SOX5: variants seen among roughly 807,000 people sequenced by gnomAD.
SOX5 encodes SRY-box transcription factor 5.
Under a neutral mutation model 92.0 loss-of-function variants are expected in SOX5, and 9 were observed. The ratio of observed to expected loss-of-function variants is 0.10; its 90% CI spans 0.06 to 0.17. The LOEUF (loss-of-function observed/expected upper bound fraction) is 0.17, where lower values mean the gene tolerates loss of function less well. Ranked by LOEUF, SOX5 falls within the 10% of genes least tolerant of loss-of-function variation. The probability of loss-of-function intolerance (pLI) is 1.00; values close to 1 mark genes in which losing one functional copy is unlikely to be tolerated. For synonymous variants in SOX5, 344 were observed against 336.3 expected, an observed-to-expected ratio of 1.02 and a Z score of -0.25; for missense variants, 642 against 944.5, an observed-to-expected ratio of 0.68 and a Z score of 4.20.
intron 3 of SOX5, among the ~76,000 whole-genome samples, chr12:23,802,636 C>G (rs912656061): frequency 2.6e-5 from 4 of 152,036 alleles, no homozygotes; most frequent in Non-Finnish European, 4.4e-5. Flanking sequence ...AAAAATCTAC[C>G]TTAACCTTTA....
upstream of SOX5, among the ~76,000 whole-genome samples, chr12:23,951,906 C>T (rs777927929): frequency 6.6e-6 from 1 of 152,068 alleles, no homozygotes; most frequent in African/African-American, 2.4e-5. Flanking sequence ...TACTCCCACA[C>T]AGAAAAATGA....
chr12:24,500,458 T>A (rs1168327540), intron 1 of SOX5, among the ~76,000 whole-genome samples: 1 of 152,108 alleles, frequency 6.6e-6, no homozygotes, highest in Non-Finnish European at 1.5e-5. Context: ...ATGTAAACAC[T>A]AGGAAGTTTA....
chr12:24,076,331 C>T (rs542982419), intron 4 of SOX5, among the ~76,000 whole-genome samples: 2 of 152,236 alleles, frequency 1.3e-5, no homozygotes, highest in South Asian at 4.1e-4. Flanking sequence ...AAAGACTTGG[C>T]AAGCCCTCCA....
intron 4 of SOX5, among the ~76,000 whole-genome samples, chr12:24,108,516 C>A (rs1946947919): frequency 6.6e-6 from 1 of 152,036 alleles, no homozygotes; most frequent in Non-Finnish European, 1.5e-5. Context: ...CAAGTTAACT[C>A]TCTAATTATT....
In SOX5 at chr12:24,093,398, C is replaced by T. The variant is rs532353499; in HGVS notation, c.-2+119945G>A. On this transcript the variant is annotated intron_variant, in intron 4 of 4. Coordinates refer to the SOX5 transcript ENST00000446891. ...ACTAGCCAGGCGTGGTGGCGGGCGC[C>T]TGTAGTCCCAACTACTCGGGAAGCT... is the stretch of plus-strand genomic sequence containing the variant. Among the ~76,000 whole-genome samples the T allele has an allele frequency of 2.6e-3, 392 of 152,092 alleles. 2 individuals are homozygous for T. The highest frequency in any genetic ancestry group is 9.0e-3 in the African/African-American group (374 of 41,502).
chr12:24,244,203 T>C (rs1938129768), intron 3 of SOX5, among the ~76,000 whole-genome samples: 1 of 152,240 alleles, frequency 6.6e-6, no homozygotes, highest in African/African-American at 2.4e-5. Flanking sequence ...TGGTTTTCCA[T>C]GTAATTTAGA....
At chr12:24,152,145 C>A (rs914208791) in intron 4 of SOX5, among the ~76,000 whole-genome samples, 1 of 152,106 alleles carries the variant, frequency 6.6e-6, no homozygotes, top group African/African-American at 2.4e-5. Context: ...ATTCTTTAGG[C>A]TTTCATTACT....
chr12:23,568,353 C>A (rs1414204713), intron 10 of SOX5, among the ~76,000 whole-genome samples: 2 of 152,146 alleles, frequency 1.3e-5, no homozygotes, highest in African/African-American at 4.8e-5. Flanking sequence ...GAATAAATTT[C>A]TGTTTCAACC....
chr12:24,361,080 G>C (rs577252935), intron 2 of SOX5, among the ~76,000 whole-genome samples: 11 of 152,176 alleles, frequency 7.2e-5, no homozygotes, highest in Admixed American at 2.6e-4. Context: ...TCAGCTCCTC[G>C]TATCGACCAG....
In SOX5 at chr12:23,604,406, C is replaced by T; in HGVS notation, c.1145G>A (p.Ser382Asn). ...GGGTACCTTGCTTTTGGGTGGTGGG[C>T]TGTTTGTGCTCTTGTCTGTGTGAAT... ...TSIHTDKSTN[S>N]PPPKSKDEVA... The change falls in exon 9 of 15, where the codon AGC becomes AAC. Residue 382 changes from serine (S) to asparagine (N), a missense_variant. Ser to Asn is a conservative substitution (Grantham distance 46, BLOSUM62 1). Coordinates refer to ENST00000451604, the MANE Select transcript of SOX5 (RefSeq NM_006940.6). 6.2e-7 allele frequency: 1 copy of T among 1,613,554 alleles called. No individual in the cohort carries two copies. The highest frequency in any genetic ancestry group is 8.5e-7 in the Non-Finnish European group (1 of 1,179,688).
intron 3 of SOX5, among the ~76,000 whole-genome samples, chr12:23,823,254 C>T (rs758183153): frequency 1.3e-5 from 2 of 152,036 alleles, no homozygotes; most frequent in African/African-American, 2.4e-5. Flanking sequence ...TGGCTGGTAC[C>T]CATTTTTCCT....
chr12:24,044,393 A>G (rs1956807580), intron 4 of SOX5, among the ~76,000 whole-genome samples: 1 of 152,210 alleles, frequency 6.6e-6, no homozygotes, highest in Non-Finnish European at 1.5e-5. Context: ...TGCCTTTTCT[A>G]GTCCGGGAGG....
chr12:24,378,311 T>C (rs988483196), intron 1 of SOX5, among the ~76,000 whole-genome samples: 3 of 152,258 alleles, frequency 2.0e-5, no homozygotes, highest in Non-Finnish European at 2.9e-5. Flanking sequence ...ATGAACAATG[T>C]ACAATCTTGA....
At chr12:23,616,246 C>T (rs1041574793) in intron 8 of SOX5, among the ~76,000 whole-genome samples, 1 of 152,174 alleles carries the variant, frequency 6.6e-6, no homozygotes, top group Non-Finnish European at 1.5e-5. Context: ...CTTGGTCAAA[C>T]CTGAGCGGAA....
intron 4 of SOX5, among the ~76,000 whole-genome samples, chr12:24,056,187 A>G (rs1465683567): frequency 6.6e-6 from 1 of 152,196 alleles, no homozygotes; most frequent in African/African-American, 2.4e-5. Flanking sequence ...CATACTGTTG[A>G]AAGAAGTGCT....
intron 4 of SOX5, among the ~76,000 whole-genome samples, chr12:24,119,016 T>C (rs1007564834): frequency 1.3e-5 from 2 of 151,862 alleles, no homozygotes; most frequent in South Asian, 2.1e-4. Flanking sequence ...TTTGGGTCTG[T>C]TTCCTCATGT....
At chr12:23,632,251 A>C (rs573906933) in intron 8 of SOX5, 1 of 152,168 alleles carries the variant, frequency 6.6e-6, no homozygotes, top group South Asian at 2.1e-4. Flanking sequence ...TTTAACCTGC[A>C]AGAAAACTCA....
At chr12:24,130,730 C>T (rs564178524) in intron 4 of SOX5, among the ~76,000 whole-genome samples, 45 of 152,190 alleles carry the variant, frequency 3.0e-4, no homozygotes, top group Non-Finnish European at 5.4e-4. Flanking sequence ...ATGGCTGTCT[C>T]TTCTCACCTT....
chr12:24,493,863 C>CAA (rs201633038), intron 1 of SOX5, among the ~76,000 whole-genome samples: 59 of 86,760 alleles, frequency 6.8e-4, no homozygotes, highest in African/African-American at 2.7e-3. Context: ...GACTCCATCT[C>CAA]AAAAAAAAAA....
Sources: gnomAD v4.1 joint callset for allele counts (sites outside exome capture counted in the v4.1 genomes callset) on GRCh38, gnomAD v4.1.1 for gene constraint, MANE v1.5 for transcripts, NCBI Gene and HGNC (gene_info 2026-07-23, HGNC 2026-07-21) for gene names.